The following SNTG1 variants were observed in gnomAD, a reference collection of about 807,000 sequenced individuals.
SNTG1 encodes the protein gamma-1-syntrophin.
A neutral mutation model predicts 74.7 loss-of-function variants in SNTG1; 39 were observed. That is an observed-to-expected ratio of 0.52 (90% CI 0.40 to 0.68). The LOEUF is 0.68. SNTG1 is among the 30% of genes least tolerant of loss of function. SNTG1 has a pLI of 0.00. For missense variants in SNTG1, 685 were observed against 609.5 expected, an observed-to-expected ratio of 1.12 and a Z score of -1.30; for synonymous variants, 254 against 217.1, an observed-to-expected ratio of 1.17 and a Z score of -1.49.
intron 8 of SNTG1, among the ~76,000 whole-genome samples, chr8:50,492,810 G>T (rs1236478552): frequency 6.6e-6 from 1 of 152,134 alleles, no homozygotes; most frequent in East Asian, 1.9e-4. Context: ...CTTTGCCCAT[G>T]CCTATGTCCT....
At chr8:49,919,541 T>C (rs886674490) in intron 1 of SNTG1, among the ~76,000 whole-genome samples, 7 of 152,122 alleles carry the variant, frequency 4.6e-5, no homozygotes, top group African/African-American at 1.7e-4. Flanking sequence ...GCTTGTTGTT[T>C]CTCTAAAAGC....
In SNTG1 at chr8:50,777,961, T is replaced by C. The variant is rs531872744; in HGVS notation, c.1396-14710T>C. On this transcript the variant is annotated intron_variant, in intron 18 of 18. Coordinates refer to ENST00000642720, the MANE Select transcript of SNTG1 (RefSeq NM_018967.5). ...AGTGAGAATATGCGGTGTTTGGTTT[T>C]TTGTTCTTGCGATAGTTTACTGAGA... Among the ~76,000 whole-genome samples, 7 of 152,240 alleles carry C rather than the reference T, an allele frequency of 4.6e-5. No individual in the cohort carries two copies. In the East Asian group the frequency reaches 1.2e-3, roughly 25 times the overall value.
chr8:50,475,056 A>G (rs1400308870), intron 8 of SNTG1, among the ~76,000 whole-genome samples: 1 of 118,318 alleles, frequency 8.5e-6, no homozygotes, highest in Admixed American at 1.2e-4. Flanking sequence ...GAAGGGGAAC[A>G]TCACACACTG....
At chr8:49,945,928 C>T (rs1250125728) in intron 1 of SNTG1, among the ~76,000 whole-genome samples, 1 of 152,150 alleles carries the variant, frequency 6.6e-6, no homozygotes, top group Non-Finnish European at 1.5e-5. Context: ...GAAAGCAGGT[C>T]ATTATAAGCA....
rs538716978 is a variant in SNTG1, at chr8:50,435,321, C to T, written c.163-3222C>T. On this transcript the variant is annotated intron_variant, in intron 4 of 18. Transcript: ENST00000642720. ...GTGTTTTACAAAATAAAATCACTGA[C>T]AATACTTTGGTCTCCCAAAGGACGG... is the stretch of plus-strand genomic sequence containing the variant. Among the ~76,000 whole-genome samples the T allele has an allele frequency of 9.2e-5, 14 of 152,238 alleles. No individual in the cohort carries two copies. In the South Asian group the frequency reaches 2.9e-3, roughly 32 times the overall value.
intron 1 of SNTG1, among the ~76,000 whole-genome samples, chr8:49,926,247 A>T (rs1212125162): frequency 6.6e-6 from 1 of 152,126 alleles, no homozygotes; most frequent in Non-Finnish European, 1.5e-5. Context: ...TTTTATAATT[A>T]CCCATATGTT....
chr8:50,471,586 C>G (rs1415091725), intron 8 of SNTG1, among the ~76,000 whole-genome samples: 3 of 152,148 alleles, frequency 2.0e-5, no homozygotes. Context: ...ATTATCTTAG[C>G]ATACAATGCC....
chr8:50,502,019 G>T (rs7007893), intron 8 of SNTG1, among the ~76,000 whole-genome samples: 61,281 of 151,372 alleles, frequency 0.4, 16,687 homozygotes, highest in African/African-American at 0.78. Context: ...TTTAAAATTT[G>T]CACATGGCTT....
At chr8:50,066,375 T>C (rs765463667) in intron 1 of SNTG1, among the ~76,000 whole-genome samples, 27 of 152,276 alleles carry the variant, frequency 1.8e-4, no homozygotes, top group South Asian at 6.2e-4. Context: ...ACAATTACCA[T>C]AGTCAAGCTA....
intron 2 of SNTG1, among the ~76,000 whole-genome samples, chr8:50,198,638 C>CT (rs1563728610): frequency 6.6e-6 from 1 of 152,108 alleles, no homozygotes; most frequent in Non-Finnish European, 1.5e-5. Flanking sequence ...GCATCCATTT[C>CT]TTTTTTAAAA....
intron 18 of SNTG1, among the ~76,000 whole-genome samples, chr8:50,756,566 T>C (rs1451222931): frequency 6.6e-6 from 1 of 151,870 alleles, no homozygotes; most frequent in Non-Finnish European, 1.5e-5. Context: ...TAGTCAAAGA[T>C]TAGTTGACTG....
intron 13 of SNTG1, among the ~76,000 whole-genome samples, chr8:50,607,716 AATATTTATTTATGG>A (rs2094822888): frequency 6.6e-6 from 1 of 151,208 alleles, no homozygotes; most frequent in Non-Finnish European, 1.5e-5. Flanking sequence ...TTTTCATTCC[AATATTTATTTATGG>A]ATATTTATTA....
chr8:50,587,347 A>G (rs1358654867), intron 12 of SNTG1, among the ~76,000 whole-genome samples: 1 of 152,130 alleles, frequency 6.6e-6, no homozygotes, highest in Admixed American at 6.6e-5. Context: ...CAATCTTATC[A>G]ATCGGTAAAT....
At chr8:50,750,803 C>T (rs117314445) in intron 17 of SNTG1, among the ~76,000 whole-genome samples, 3,869 of 152,052 alleles carry the variant, frequency 0.025, 66 homozygotes, top group Middle Eastern at 0.041. Context: ...CTTTTATATG[C>T]ATTGGGGAAC....
chr8:50,221,453 A>G (rs1041172438), intron 2 of SNTG1, among the ~76,000 whole-genome samples: 5 of 151,912 alleles, frequency 3.3e-5, no homozygotes, highest in African/African-American at 1.2e-4. Context: ...GAATATTAAT[A>G]AAAAATAGAG....
At chr8:49,929,159 T>C (rs971455466) in intron 1 of SNTG1, among the ~76,000 whole-genome samples, 1 of 152,134 alleles carries the variant, frequency 6.6e-6, no homozygotes, top group Admixed American at 6.6e-5. Flanking sequence ...TAAAAGTTAG[T>C]AGTATATTGA....
At chr8:50,070,884 T>A (rs1368290005) in intron 1 of SNTG1, among the ~76,000 whole-genome samples, 2 of 152,196 alleles carry the variant, frequency 1.3e-5, no homozygotes, top group Non-Finnish European at 2.9e-5. Flanking sequence ...GGTGCCCTGT[T>A]GGGGACGGCT....
intron 1 of SNTG1, among the ~76,000 whole-genome samples, chr8:50,098,333 G>A (rs765449370): frequency 2.6e-5 from 4 of 152,042 alleles, no homozygotes; most frequent in South Asian, 2.1e-4. Context: ...CCTTTGTATC[G>A]CTAGGTTACT....
chr8:50,407,365 T>G (rs1199856353), intron 4 of SNTG1, among the ~76,000 whole-genome samples: 1 of 152,172 alleles, frequency 6.6e-6, no homozygotes, highest in East Asian at 1.9e-4. Flanking sequence ...AGCAATGCTC[T>G]GAAGTCCTGG....
Sources: allele counts gnomAD v4.1 joint callset (sites outside exome capture counted in the v4.1 genomes callset), GRCh38; gene constraint gnomAD v4.1.1; transcripts MANE v1.5; gene names NCBI Gene and HGNC (gene_info 2026-07-23, HGNC 2026-07-21).